The following HPN variants were observed in gnomAD, a reference collection of about 807,000 sequenced individuals.
HPN encodes the protein hepsin, also known as serine protease hepsin.
HPN carries 13 observed loss-of-function variants against 55.9 expected under a neutral mutation model. That is an observed-to-expected ratio of 0.23 (90% confidence interval 0.15 to 0.37). The LOEUF (loss-of-function observed/expected upper bound fraction) is 0.37, where lower values mean the gene tolerates loss of function less well. Ranked by LOEUF, HPN falls within the 10% of genes least tolerant of loss-of-function variation. The pLI, the probability that HPN is intolerant of heterozygous loss-of-function variation, is 1.00. For missense variants in HPN, 451 were observed against 575.8 expected, an observed-to-expected ratio of 0.78 and a Z score of 2.22; for synonymous variants, 225 against 240.3, an observed-to-expected ratio of 0.94 and a Z score of 0.59.
Position 35,066,385 on chromosome 19 carries a change from G to C in HPN, c.*98G>C. The C allele has an allele frequency of 6.8e-7, 1 of 1,479,094 alleles. No homozygotes were observed. Among genetic ancestry groups the C allele is most frequent in the East Asian group, 2.5e-5 (1 of 40,364 alleles). 91.6% of individuals were successfully genotyped at this position (1,479,094 alleles called of 1,614,324 possible). On this transcript the variant is annotated 3_prime_UTR_variant, in exon 13 of 13. Transcript: ENST00000672452. ...ATGGGACGTTTTTCTTCTTGGGCCC[G>C]GTCCACAGGTCCAAGGACACCCTCC...
At chr19:35,065,791 A>G in intron 11 of HPN, 77 bp from the exon 12 acceptor site, 1 of 1,575,750 alleles carries the variant, frequency 6.3e-7, no homozygotes, top group South Asian at 1.1e-5. Flanking sequence ...CTCTGGGGCC[A>G]CAGCCCATGT....
In HPN at chr19:35,065,299, T is replaced by C. The variant is rs1272659009; in HGVS notation, c.861T>C (p.Asp287=). 1 of 1,614,036 alleles carries C rather than the reference T, an allele frequency of 6.2e-7. No homozygotes were observed. Among genetic ancestry groups the C allele is most frequent in the South Asian group, 1.1e-5 (1 of 91,070 alleles). Residue 287 remains aspartate (D), a synonymous_variant, in exon 10 of 13, where the codon GAT becomes GAC. Coordinates refer to ENST00000672452, the MANE Select transcript of HPN (RefSeq NM_001384133.1). ...CLPAAGQALV[D]GKICTVTGWG... is the part of the protein sequence containing the mutation. ...CAGCTGCCGGCCAGGCCCTGGTGGA[T>C]GGCAAGATCTGTACCGTGACGGGCT...
chr19:35,058,497 TATA>T (rs35454126), intron 4 of HPN, among the ~76,000 whole-genome samples: 41,252 of 146,324 alleles, frequency 0.28, 7,281 homozygotes, highest in African/African-American at 0.51. Context: ...ATCTGTTTGA[TATA>T]ATAATAATAA....
chr19:35,042,235 G>T (rs2064301447), intron 1 of HPN: 2 of 1,321,638 alleles, frequency 1.5e-6, no homozygotes, highest in Non-Finnish European at 1.9e-6. Context: ...GCTCAGGCAT[G>T]GGGGTCCCCA....
intron 2 of HPN, among the ~76,000 whole-genome samples, chr19:35,047,466 A>C (rs1363152855): frequency 1.3e-5 from 2 of 152,196 alleles, no homozygotes; most frequent in Non-Finnish European, 2.9e-5. Context: ...CTGCTGCCCC[A>C]GCCTGCACGG....
At chr19:35,046,247 AT>A (rs35476966) in intron 2 of HPN, among the ~76,000 whole-genome samples, 322 of 143,942 alleles carry the variant, frequency 2.2e-3, no homozygotes, top group Middle Eastern at 3.6e-3. Flanking sequence ...TGAGCTTTCA[AT>A]TTTTTTTTTT....
At chr19:35,050,593 G>C (rs2064393764) in intron 4 of HPN, 1 of 1,135,238 alleles carries the variant, frequency 8.8e-7, no homozygotes, top group African/African-American at 1.6e-5. Flanking sequence ...ACTGTGGGAT[G>C]AATGAATGAA....
At chr19:35,047,207 T>C (rs1030694243) in intron 2 of HPN, among the ~76,000 whole-genome samples, 1 of 152,232 alleles carries the variant, frequency 6.6e-6, no homozygotes, top group Non-Finnish European at 1.5e-5. Context: ...CCTCCCCAGC[T>C]GGCCCCAGCC....
In HPN at chr19:35,059,930, GCTT is replaced by G. The variant is rs1486032404; in HGVS notation, c.353_355del (p.Phe118del). 1 of 1,525,244 alleles carries G rather than the reference GCTT, an allele frequency of 6.6e-7. No homozygotes were observed. The highest frequency in any genetic ancestry group is 8.8e-7 in the Non-Finnish European group (1 of 1,137,682). The allele number at this position is 1,525,244 out of a possible 1,614,324, so 94.5% of individuals were successfully genotyped here. ...ACGGCGGGCGCCAATGGCACGTCGG[GCTT>G]CTTCTGTGTGGACGAGGGGAGGCTG... On this transcript the variant is annotated inframe_deletion, in exon 6 of 13. Transcript: ENST00000672452.
Position 35,064,318 on chromosome 19 carries a change from G to GTC in HPN, c.812-912_812-911dup, listed in dbSNP as rs10577478. Among the ~76,000 whole-genome samples, 625 of 150,350 alleles carry GTC rather than the reference G, an allele frequency of 4.2e-3. 22 individuals are homozygous for GTC. The South Asian group carries it at 0.093, about 22-fold the overall frequency. On this transcript the variant is annotated intron_variant, in intron 9 of 12. Coordinates refer to ENST00000672452, the MANE Select transcript of HPN (RefSeq NM_001384133.1). ...AAGTCAAATGTCTCAAGATAGGAGT[G>GTC]TCTCTCTCTCTCTCTCTCTCTTTCT...
upstream of HPN, chr19:35,041,662 G>A (rs1003636886): frequency 2.6e-6 from 3 of 1,156,070 alleles, no homozygotes; most frequent in South Asian, 1.6e-5. Context: ...GCTGCCAATC[G>A]AATGGTCCGG....
At chr19:35,065,759 TC>T in intron 11 of HPN, 78 bp downstream of exon 11, 1 of 1,598,052 alleles carries the variant, frequency 6.3e-7, no homozygotes. Context: ...GTGGTCAGGC[TC>T]CCCATCTAAA....
intron 4 of HPN, among the ~76,000 whole-genome samples, chr19:35,055,445 A>T (rs2064445666): frequency 6.6e-6 from 1 of 151,492 alleles, no homozygotes; most frequent in Admixed American, 6.6e-5. Flanking sequence ...AAGGACAAAG[A>T]GGTTCACAGC....
In HPN at chr19:35,041,745, C is replaced by G. The variant is rs1600373882; in HGVS notation, c.-182C>G. 1.6e-6 allele frequency: 2 copies of G among 1,262,478 alleles called. No homozygotes were observed. The highest frequency in any genetic ancestry group is 4.9e-5 in the Admixed American group (2 of 41,030). The allele number at this position is 1,262,478 out of a possible 1,614,324, so 78.2% of individuals were successfully genotyped here. A position where few individuals can be genotyped will look rare whatever the true frequency, so the allele number is the denominator to read the frequency against. ...AGGTGAGGCAGCCTGGCCTAGCAGG[C>G]CCCACGCCACCGCCTCTGCCTCCAG... On this transcript the variant is annotated 5_prime_UTR_variant, in exon 1 of 13. Transcript: ENST00000672452.
Position 35,056,731 on chromosome 19 carries a change from C to T in HPN, c.161-2942C>T, listed in dbSNP as rs77996607. ...CCGAAAGCAAAGCCCAGGACTGTCT[C>T]GGCCATCTGTGTCTCCAGGATCACC... On this transcript the variant is annotated intron_variant, in intron 4 of 12. Transcript: ENST00000672452. 4.3e-3 allele frequency among the ~76,000 whole-genome samples: 655 copies of T among 152,278 alleles called. 3 individuals carry two copies. The highest frequency in any genetic ancestry group is 9.1e-3 in the African/African-American group (378 of 41,548).
At chr19:35,059,647 C>T (rs377242540) in intron 4 of HPN, 26 bp from the exon 5 acceptor site, 50 of 1,575,220 alleles carry the variant, frequency 3.2e-5, no homozygotes, top group African/African-American at 2.4e-4. Context: ...GGGACCCAGG[C>T]GGCCCCGGGC....
upstream of HPN, among the ~76,000 whole-genome samples, chr19:35,040,831 G>A (rs558263789): frequency 9.2e-5 from 14 of 152,342 alleles, no homozygotes; most frequent in South Asian, 1.9e-3. Flanking sequence ...GCCCTGGGCT[G>A]AGTGGAGGAA....
Position 35,065,576 on chromosome 19 carries a change from C to T in HPN, c.945C>T (p.Pro315=). The T allele has an allele frequency of 6.2e-7, 1 of 1,614,150 alleles. No homozygotes were observed. Among genetic ancestry groups the T allele is most frequent in the South Asian group, 1.1e-5 (1 of 91,086 alleles). ...GGGTACTCCAGGAGGCTCGAGTCCC[C>T]ATAATCAGCAATGATGTCTGCAATG... ...QAGVLQEARV[P]IISNDVCNGA... The change falls in exon 11 of 13, where the codon CCC becomes CCT. Residue 315 remains proline, a synonymous_variant. Coordinates refer to ENST00000672452, the MANE Select transcript of HPN (RefSeq NM_001384133.1).
chr19:35,062,138 AAAG>A (rs2064542542), intron 9 of HPN, among the ~76,000 whole-genome samples: 1 of 152,170 alleles, frequency 6.6e-6, no homozygotes, highest in African/African-American at 2.4e-5. Context: ...GAAAGAAAGA[AAAG>A]AAATGTCTAG....
Sources: gnomAD v4.1 joint callset for allele counts (sites outside exome capture counted in the v4.1 genomes callset) on GRCh38, gnomAD v4.1.1 for gene constraint, MANE v1.5 for transcripts, NCBI Gene and HGNC (gene_info 2026-07-23, HGNC 2026-07-21) for gene names.